DPY19L3: variants seen among roughly 807,000 people sequenced by gnomAD.
DPY19L3 encodes the protein dpy-19 like C-mannosyltransferase 3.
DPY19L3 carries 51 observed loss-of-function variants against 92.3 expected under a neutral mutation model. The ratio of observed to expected loss-of-function variants is 0.55; its 90% CI spans 0.44 to 0.70. The LOEUF is 0.70. Among genes scored for constraint, DPY19L3 ranks in the 30% least tolerant of loss-of-function variants. The pLI, the probability that DPY19L3 is intolerant of heterozygous loss-of-function variation, is 0.00. For synonymous variants in DPY19L3, 309 were observed against 315.2 expected (o/e 0.98, Z 0.21); for missense variants, 706 against 855.9 (o/e 0.82, Z 2.18).
intron 3 of DPY19L3, among the ~76,000 whole-genome samples, chr19:32,414,810 G>A (rs1416090779): frequency 6.6e-6 from 1 of 152,072 alleles, no homozygotes; most frequent in African/African-American, 2.4e-5. Flanking sequence ...TTTAAAACTT[G>A]TAACCAGCCT....
intron 12 of DPY19L3, 140 bp from the exon 13 acceptor site, chr19:32,463,226 A>G (rs1970095349): frequency 1.1e-5 from 10 of 927,678 alleles, no homozygotes; most frequent in East Asian, 2.8e-5. Flanking sequence ...AAATTGATCA[A>G]TGCGAATTCA....
intron 15 of DPY19L3, chr19:32,467,544 T>G: frequency 3.0e-6 from 3 of 987,560 alleles, no homozygotes; most frequent in Non-Finnish European, 2.4e-6. Flanking sequence ...GGAGACAAGA[T>G]TTGAATGAGC....
chr19:32,428,389 A>T (rs1281461231), intron 3 of DPY19L3, among the ~76,000 whole-genome samples: 1 of 151,948 alleles, frequency 6.6e-6, no homozygotes, highest in Admixed American at 6.6e-5. Flanking sequence ...AGATGTAGGG[A>T]CCACTGCAAT....
In DPY19L3 at chr19:32,485,832, A is replaced by C. The variant is rs1970783509; in HGVS notation, c.*3592A>C. On this transcript the variant is annotated 3_prime_UTR_variant, in exon 19 of 19. Coordinates refer to ENST00000392250, the MANE Select transcript of DPY19L3 (RefSeq NM_001172774.2). ...GTAAAATCTTGCAAAGAGCTTTTAT[A>C]ATTTGTTTTACTGAATTGTATGGAG... 1 of 152,208 alleles carries C rather than the reference A, an allele frequency of 6.6e-6. No individual in the cohort carries two copies. The highest frequency in any genetic ancestry group is 2.4e-5 in the African/African-American group (1 of 41,454). 9.4% of individuals were successfully genotyped at this position (152,208 alleles called of 1,614,324 possible).
At chr19:32,411,090 G>A in intron 2 of DPY19L3, 149 bp from the exon 3 acceptor site, 1 of 725,290 alleles carries the variant, frequency 1.4e-6, no homozygotes, top group Non-Finnish European at 2.2e-6. Flanking sequence ...ACAGGTCTGT[G>A]GAATCAGAAA....
chr19:32,439,456 A>G (rs1197975788), intron 7 of DPY19L3, among the ~76,000 whole-genome samples: 1 of 152,162 alleles, frequency 6.6e-6, no homozygotes, highest in Non-Finnish European at 1.5e-5. Flanking sequence ...TACATAATCT[A>G]CCCTTAAATA....
chr19:32,468,885 T>G (rs1358224723), intron 16 of DPY19L3, 72 bp downstream of exon 16: 9 of 1,458,674 alleles, frequency 6.2e-6, no homozygotes, highest in Admixed American at 2.3e-5. Flanking sequence ...CATTTCGTTT[T>G]GGGGGTTTTT....
At chr19:32,432,930 G>A in intron 4 of DPY19L3, 124 bp downstream of exon 4, 2 of 705,286 alleles carry the variant, frequency 2.8e-6, no homozygotes, top group Non-Finnish European at 2.3e-6. Context: ...CCGTGCTAAT[G>A]TCTAATCATT....
At chr19:32,476,842 A>G (rs1970527049) in intron 16 of DPY19L3, among the ~76,000 whole-genome samples, 1 of 152,184 alleles carries the variant, frequency 6.6e-6, no homozygotes, top group Non-Finnish European at 1.5e-5. Context: ...ATATTAAGTA[A>G]TAAGATATTG....
chr19:32,479,310 A>G (rs1267651019), intron 17 of DPY19L3, among the ~76,000 whole-genome samples: 1 of 152,080 alleles, frequency 6.6e-6, no homozygotes, highest in African/African-American at 2.4e-5. Flanking sequence ...CACCAGGTTC[A>G]TCAGGGGTGG....
At chr19:32,448,712 T>C (rs575418518) in intron 8 of DPY19L3, among the ~76,000 whole-genome samples, 45 of 152,184 alleles carry the variant, frequency 3.0e-4, no homozygotes, top group Admixed American at 6.5e-4. Context: ...TTAGTCTTAC[T>C]GTCTCGGGAG....
intron 3 of DPY19L3, among the ~76,000 whole-genome samples, chr19:32,421,192 C>G (rs1287420329): frequency 1.3e-5 from 2 of 152,172 alleles, no homozygotes; most frequent in African/African-American, 4.8e-5. Context: ...ACAGTGCTTA[C>G]TTATTCTCAC....
chr19:32,479,638 G>A (rs193081047), intron 17 of DPY19L3: 2 of 427,404 alleles, frequency 4.7e-6, no homozygotes, highest in East Asian at 1.7e-4. Flanking sequence ...TGCAACAAAG[G>A]AGGCAGTGCC....
At chr19:32,437,126 T>C (rs1290514109) in intron 5 of DPY19L3, 68 bp from the exon 6 acceptor site, 1 of 1,582,310 alleles carries the variant, frequency 6.3e-7, no homozygotes, top group South Asian at 1.1e-5. Context: ...CCTACTGTCA[T>C]GTTTTAAATG....
chr19:32,443,716 C>G (rs528644549), intron 8 of DPY19L3, among the ~76,000 whole-genome samples: 1 of 152,138 alleles, frequency 6.6e-6, no homozygotes, highest in Non-Finnish European at 1.5e-5. Flanking sequence ...GCTAACATGG[C>G]AGATTTAAAT....
At chr19:32,464,841 G>C (rs1218096285) in intron 15 of DPY19L3, 57 bp downstream of exon 15, 21 of 1,212,286 alleles carry the variant, frequency 1.7e-5, no homozygotes, top group Non-Finnish European at 2.3e-5. Flanking sequence ...TAATTGCTTT[G>C]ATTCAATATA....
intron 8 of DPY19L3, among the ~76,000 whole-genome samples, chr19:32,445,194 T>TA (rs995903758): frequency 3.3e-5 from 5 of 151,162 alleles, no homozygotes; most frequent in African/African-American, 1.2e-4. Context: ...GTAATCCCAT[T>TA]ACTTTGGGAG....
At chr19:32,414,505 A>AATTGC (rs1431132647) in intron 3 of DPY19L3, among the ~76,000 whole-genome samples, 1 of 151,752 alleles carries the variant, frequency 6.6e-6, no homozygotes, top group Non-Finnish European at 1.5e-5. Flanking sequence ...GAGGCAGGAG[A>AATTGC]ATTGCTTGAA....
intron 4 of DPY19L3, among the ~76,000 whole-genome samples, 168 bp from the exon 5 acceptor site, chr19:32,436,278 A>G (rs1969135651): frequency 6.6e-6 from 1 of 152,220 alleles, no homozygotes; most frequent in Non-Finnish European, 1.5e-5. Context: ...TGTCCATCGA[A>G]TATGTGGTAA....
Sources: gnomAD v4.1 joint callset for allele counts (sites outside exome capture counted in the v4.1 genomes callset) on GRCh38, gnomAD v4.1.1 for gene constraint, MANE v1.5 for transcripts, NCBI Gene and HGNC (gene_info 2026-07-23, HGNC 2026-07-21) for gene names.